The following POLN variants were observed in gnomAD, a reference collection of about 807,000 sequenced individuals.
POLN encodes DNA polymerase nu.
Under a neutral mutation model 113.5 loss-of-function variants are expected in POLN, and 108 were observed. That is an observed-to-expected ratio of 0.95 (90% CI 0.81 to 1.12). The LOEUF is 1.12. POLN is among the 50% of genes most tolerant of loss of function. The pLI is 0.00. For missense variants in POLN, 1,097 were observed against 1,077.1 expected (o/e 1.02, Z -0.26); for synonymous variants, 386 against 391.5 (o/e 0.99, Z 0.17).
rs550942503 is a variant in POLN at position 2,241,969 on chromosome 4, G to A, written c.-284+82C>T. On this transcript the variant is annotated intron_variant, in intron 1 of 25. Coordinates refer to ENST00000511885, the MANE Select transcript of POLN (RefSeq NM_181808.4). ...CCCCAGGAGCGCAGGAAAAAAAAGA[G>A]GCACCTGGGTGCAGACGGGGATCGC... 7 of 985,514 alleles carry A rather than the reference G, an allele frequency of 7.1e-6. No individual in the cohort carries two copies. In the African/African-American group the frequency reaches 1.2e-4, roughly 17 times the overall value. The allele number at this position is 985,514 out of a possible 1,614,324, so 61.0% of individuals were successfully genotyped here.
chr4:2,157,968 G>A, intron 14 of POLN, 57 bp from the exon 15 acceptor site: 5 of 1,395,552 alleles, frequency 3.6e-6, no homozygotes, highest in Non-Finnish European at 5.0e-6. Context: ...TTTTTTTGTG[G>A]GGGGAAGGAG....
chr4:2,224,743 G>A (rs762876308), intron 3 of POLN, among the ~76,000 whole-genome samples: 9 of 152,242 alleles, frequency 5.9e-5, no homozygotes, highest in African/African-American at 9.6e-5. Flanking sequence ...CTGAGGTCAG[G>A]AGTTCAAGAT....
At position 2,081,722 on chromosome 4, in the gene POLN, C is replaced by A. The variant is rs1294213843; in HGVS notation, c.2219G>T (p.Gly740Val). Residue 740 changes from glycine to valine, a missense_variant, in exon 22 of 26, where the codon GGC (glycine) becomes GTC (valine). Coordinates refer to ENST00000511885, the MANE Select transcript of POLN (RefSeq NM_181808.4). ...HQTGCVVSIM[G>V]RRRPLPRIHA... ...AATCCTTGGCAGGGGTCTCCTTCTGCCCATGATGGACACCACACAGCCTGA... is the reference window on the plus strand; with the variant it reads ...AATCCTTGGCAGGGGTCTCCTTCTGACCATGATGGACACCACACAGCCTGA... The A allele has an allele frequency of 6.2e-7, 1 of 1,614,040 alleles. No homozygotes were observed. The highest frequency in any genetic ancestry group is 1.3e-5 in the African/African-American group (1 of 75,024).
intron 20 of POLN, 29 bp downstream of exon 20, chr4:2,095,822 G>A (rs373730415): frequency 2.4e-5 from 38 of 1,607,554 alleles, no homozygotes; most frequent in Middle Eastern, 1.6e-4. Context: ...AGGTAACCCC[G>A]AGACCCCAGC....
chr4:2,203,531 G>A (rs1733767710), intron 5 of POLN, among the ~76,000 whole-genome samples: 1 of 149,072 alleles, frequency 6.7e-6, no homozygotes, highest in Non-Finnish European at 1.5e-5. Flanking sequence ...AGAGAGCCAA[G>A]ATTGTACCAC....
chr4:2,094,189 A>T (rs1730728427), intron 20 of POLN, among the ~76,000 whole-genome samples: 1 of 152,026 alleles, frequency 6.6e-6, no homozygotes, highest in Non-Finnish European at 1.5e-5. Context: ...TCTACTAAAA[A>T]TACAAAAATT....
chr4:2,179,294 C>T lies in POLN; in HGVS notation c.1179+14G>A. On this transcript the variant is annotated intron_variant, in intron 8 of 25. Coordinates refer to ENST00000511885, the MANE Select transcript of POLN (RefSeq NM_181808.4). The stretch of plus-strand genomic sequence containing the variant: ...TGTATTAAGGTTGATAAAACTTTAT[C>T]TTAAACAACTCACCACAATATTTCT... The T allele has an allele frequency of 2.5e-6, 4 of 1,605,396 alleles. No homozygotes were observed. Among genetic ancestry groups the T allele is most frequent in the Non-Finnish European group, 3.4e-6 (4 of 1,175,598 alleles).
intron 16 of POLN, among the ~76,000 whole-genome samples, chr4:2,141,487 GC>G (rs1400358762): frequency 6.6e-6 from 1 of 152,172 alleles, no homozygotes; most frequent in Non-Finnish European, 1.5e-5. Flanking sequence ...GTCCTTGTGG[GC>G]CTCGGCTGCC....
intron 23 of POLN, chr4:2,076,935 G>T (rs927853928): frequency 6.6e-6 from 1 of 152,192 alleles, no homozygotes; most frequent in Non-Finnish European, 1.5e-5. Context: ...AGCTACAAAG[G>T]ACATTTCCCA....
At chr4:2,143,019 T>C (rs1221126457) in intron 16 of POLN, among the ~76,000 whole-genome samples, 1 of 152,168 alleles carries the variant, frequency 6.6e-6, no homozygotes, top group Non-Finnish European at 1.5e-5. Context: ...CGTTTAACTC[T>C]GATGCAATTT....
rs558659421 is a variant in POLN, at chr4:2,086,250, G to A, written c.2066-506C>T. 1.8e-4 allele frequency among the ~76,000 whole-genome samples: 28 copies of A among 152,262 alleles called. No homozygotes were observed. The South Asian group carries it at 5.2e-3, about 28-fold the overall frequency. On this transcript the variant is annotated intron_variant, in intron 20 of 25. Coordinates refer to ENST00000511885, the MANE Select transcript of POLN (RefSeq NM_181808.4). ...AGCACTTTAGGAGGCTGAGGCAGAC[G>A]GATCACTTGAGGCCAGGAGTTCAAG... is the stretch of plus-strand genomic sequence containing the variant.
At chr4:2,183,800 T>A (rs1733202705) in intron 7 of POLN, among the ~76,000 whole-genome samples, 1 of 152,046 alleles carries the variant, frequency 6.6e-6, no homozygotes, top group South Asian at 2.1e-4. Flanking sequence ...AGTTAAAGAG[T>A]GAATTTTATG....
chr4:2,231,903 TAAAG>T (rs1560102286), intron 2 of POLN: 3 of 990,734 alleles, frequency 3.0e-6, no homozygotes, highest in Middle Eastern at 2.1e-4. Context: ...GGACACGTAA[TAAAG>T]ATTCAGTTTT....
At chr4:2,107,141 G>A (rs1310389996) in intron 19 of POLN, among the ~76,000 whole-genome samples, 3 of 151,792 alleles carry the variant, frequency 2.0e-5, no homozygotes, top group Non-Finnish European at 4.4e-5. Context: ...TTTTCTAACT[G>A]GTTGTTTATA....
chr4:2,204,273 C>T (rs1035392650), intron 5 of POLN, among the ~76,000 whole-genome samples: 3 of 151,804 alleles, frequency 2.0e-5, no homozygotes, highest in African/African-American at 7.3e-5. Flanking sequence ...ACAACTGACA[C>T]CACAAAAATG....
intron 13 of POLN, among the ~76,000 whole-genome samples, chr4:2,167,195 C>G (rs1393472401): frequency 6.6e-6 from 1 of 152,168 alleles, no homozygotes; most frequent in African/African-American, 2.4e-5. Flanking sequence ...CCTGGAGACC[C>G]CATCACTTCA....
At chr4:2,209,152 A>C (rs1233227894) in intron 4 of POLN, among the ~76,000 whole-genome samples, 2 of 152,148 alleles carry the variant, frequency 1.3e-5, no homozygotes. Flanking sequence ...TGAAATCACC[A>C]AAACTATTTA....
At chr4:2,073,082 G>T in intron 24 of POLN, 53 bp from the exon 25 acceptor site, 2 of 1,571,994 alleles carry the variant, frequency 1.3e-6, no homozygotes, top group South Asian at 2.2e-5. Flanking sequence ...CTTGGGGCCT[G>T]GGAGCCGAAG....
rs1327551211 is a variant in POLN at position 2,198,495 on chromosome 4, G to A, written c.908+29C>T. 4.4e-6 allele frequency: 7 copies of A among 1,580,420 alleles called. No individual in the cohort carries two copies. In the Admixed American group the frequency reaches 1.0e-4, roughly 24 times the overall value. On this transcript the variant is annotated intron_variant, in intron 6 of 25. Coordinates refer to ENST00000511885, the MANE Select transcript of POLN (RefSeq NM_181808.4). Reference sequence around the variant, plus strand: ...AGTATAAAGCAGGCATGTAAGTAGGGTGTGAGCCCATGTGTGAAGATTTCT... The same window carrying A: ...AGTATAAAGCAGGCATGTAAGTAGGATGTGAGCCCATGTGTGAAGATTTCT...
Sources: gnomAD v4.1 joint callset for allele counts (sites outside exome capture counted in the v4.1 genomes callset) on GRCh38, gnomAD v4.1.1 for gene constraint, MANE v1.5 for transcripts, NCBI Gene and HGNC (gene_info 2026-07-23, HGNC 2026-07-21) for gene names.